KIF18A: variants seen among roughly 807,000 people sequenced by gnomAD.
The protein encoded by KIF18A is kinesin-like protein KIF18A.
Under a neutral mutation model 103.3 loss-of-function variants are expected in KIF18A, and 67 were observed. The observed-to-expected ratio is 0.65, with a 90% confidence interval of 0.53 to 0.79. KIF18A has a LOEUF of 0.79. KIF18A is among the 30% of genes least tolerant of loss of function. The pLI is 0.00. For missense variants in KIF18A, 1,032 were observed against 1,062.5 expected (o/e 0.97, Z 0.40); for synonymous variants, 367 against 355.5 (o/e 1.03, Z -0.36).
intron 15 of KIF18A, 100 bp downstream of exon 15, chr11:28,035,287 T>C (rs1850470046): frequency 2.1e-6 from 1 of 487,452 alleles, no homozygotes; most frequent in African/African-American, 2.0e-5. Flanking sequence ...TAAACATGAA[T>C]TGAGAGTCTA....
At chr11:28,053,126 G>A (rs1362395998) in intron 13 of KIF18A, among the ~76,000 whole-genome samples, 1 of 152,150 alleles carries the variant, frequency 6.6e-6, no homozygotes, top group Non-Finnish European at 1.5e-5. Flanking sequence ...GCATAGGCAT[G>A]AACCTTGTTT....
intron 15 of KIF18A, among the ~76,000 whole-genome samples, chr11:28,033,043 A>C (rs1850431211): frequency 6.6e-6 from 1 of 151,814 alleles, no homozygotes; most frequent in Non-Finnish European, 1.5e-5. Flanking sequence ...TGATTTTTAA[A>C]ATGGGCAAAA....
intron 13 of KIF18A, among the ~76,000 whole-genome samples, chr11:28,050,177 GTAT>G (rs1850694118): frequency 6.6e-6 from 1 of 151,640 alleles, no homozygotes; most frequent in Non-Finnish European, 1.5e-5. Context: ...CATTTTCTCA[GTAT>G]TTACACTTAC....
intron 15 of KIF18A, among the ~76,000 whole-genome samples, chr11:28,025,658 A>G (rs1850309034): frequency 6.6e-6 from 1 of 152,018 alleles, no homozygotes; most frequent in Non-Finnish European, 1.5e-5. Context: ...CGATTTAGTT[A>G]AATAGTCCAC....
intron 9 of KIF18A, 66 bp downstream of exon 9, chr11:28,082,790 A>C: frequency 2.1e-6 from 2 of 965,648 alleles, no homozygotes; most frequent in South Asian, 3.1e-5. Flanking sequence ...GATAATTAAC[A>C]TAAAATACTT....
intron 15 of KIF18A, among the ~76,000 whole-genome samples, chr11:28,026,544 C>T (rs954679220): frequency 4.6e-5 from 7 of 151,746 alleles, no homozygotes; most frequent in Admixed American, 1.3e-4. Flanking sequence ...AATCAAGTTA[C>T]TTTCTTTACA....
intron 1 of KIF18A, among the ~76,000 whole-genome samples, chr11:28,103,488 C>G (rs891154741): frequency 1.3e-5 from 2 of 151,858 alleles, no homozygotes; most frequent in African/African-American, 2.4e-5. Context: ...ATGTATAAAA[C>G]AAAAGGGTTA....
rs142963817 is a variant in KIF18A at position 28,084,079 on chromosome 11, C to A, written c.1074+553G>T. On this transcript the variant is annotated intron_variant, in intron 7 of 16. Transcript: ENST00000263181. Reference sequence around the variant, plus strand: ...TCTTTGGCAAAAATACTAATGTAACCAATTATTATTATTATATTTCTGGAG... The same window carrying A: ...TCTTTGGCAAAAATACTAATGTAACAAATTATTATTATTATATTTCTGGAG... Among the ~76,000 whole-genome samples the A allele has an allele frequency of 9.2e-5, 14 of 151,984 alleles. No homozygotes were observed. The East Asian group carries it at 2.7e-3, about 29-fold the overall frequency.
chr11:28,065,963 A>T (rs1850916229), intron 11 of KIF18A, among the ~76,000 whole-genome samples: 1 of 152,058 alleles, frequency 6.6e-6, no homozygotes, highest in South Asian at 2.1e-4. Flanking sequence ...GGTAAATTTT[A>T]TTTTATATTT....
intron 1 of KIF18A, among the ~76,000 whole-genome samples, chr11:28,106,103 C>A (rs893380266): frequency 6.6e-6 from 1 of 152,134 alleles, no homozygotes; most frequent in Non-Finnish European, 1.5e-5. Context: ...TTCACTGATA[C>A]GTTCATCAAA....
chr11:28,072,997 T>C (rs1365013434), intron 10 of KIF18A, among the ~76,000 whole-genome samples: 1 of 152,144 alleles, frequency 6.6e-6, no homozygotes, highest in Non-Finnish European at 1.5e-5. Flanking sequence ...CTCCCTTGCT[T>C]GAAAGACTGC....
intron 13 of KIF18A, among the ~76,000 whole-genome samples, chr11:28,038,787 T>G (rs1850524708): frequency 6.6e-6 from 1 of 151,726 alleles, no homozygotes; most frequent in Non-Finnish European, 1.5e-5. Context: ...GAGAACTAGA[T>G]AAATGAGATC....
rs765014249 is a variant in KIF18A at position 28,059,004 on chromosome 11, G to A, written c.1870C>T (p.Pro624Ser). 4 of 1,614,014 alleles carry A rather than the reference G, an allele frequency of 2.5e-6. No homozygotes were observed. The highest frequency in any genetic ancestry group is 3.4e-6 in the Non-Finnish European group (4 of 1,179,954). Residue 624 changes from proline to serine, a missense_variant, in exon 13 of 17, where the codon CCA becomes TCA. Coordinates refer to ENST00000263181, the MANE Select transcript of KIF18A (RefSeq NM_031217.4). ...ATCCCTGGTAGATCGTTTTGCTTTG[G>A]TTGTTCGGCAGTTTGGTCAGCCCAA... ...VVWADQTAEQPKQNDLPGISV... is the reference protein window; with the variant it reads ...VVWADQTAEQSKQNDLPGISV...
chr11:28,051,611 C>T (rs1850713704), intron 13 of KIF18A, among the ~76,000 whole-genome samples: 1 of 151,906 alleles, frequency 6.6e-6, no homozygotes, highest in African/African-American at 2.4e-5. Context: ...AGCTATTTTA[C>T]TACATAAATG....
intron 9 of KIF18A, among the ~76,000 whole-genome samples, chr11:28,077,841 A>C (rs1243752897): frequency 6.6e-6 from 1 of 152,132 alleles, no homozygotes; most frequent in Non-Finnish European, 1.5e-5. Flanking sequence ...CTTCCTCCTA[A>C]GGGCAATGTA....
At chr11:28,035,677 TAA>T (rs1259879879) in intron 14 of KIF18A, among the ~76,000 whole-genome samples, 183 bp from the exon 15 acceptor site, 1 of 151,544 alleles carries the variant, frequency 6.6e-6, no homozygotes, top group Non-Finnish European at 1.5e-5. Context: ...ATAACACAGG[TAA>T]AGTTGCTATC....
intron 6 of KIF18A, among the ~76,000 whole-genome samples, chr11:28,087,118 T>C (rs1238887709): frequency 2.0e-5 from 3 of 152,230 alleles, no homozygotes; most frequent in Non-Finnish European, 4.4e-5. Flanking sequence ...GGGATACATG[T>C]GCAGAACGTG....
At chr11:28,045,380 C>G (rs1850618283) in intron 13 of KIF18A, among the ~76,000 whole-genome samples, 2 of 148,922 alleles carry the variant, frequency 1.3e-5, no homozygotes, top group South Asian at 4.2e-4. Flanking sequence ...GAAACGTTTC[C>G]AGTAAAAAGC....
intron 6 of KIF18A, 48 bp downstream of exon 6, chr11:28,088,476 C>G: frequency 1.4e-6 from 2 of 1,432,062 alleles, no homozygotes; most frequent in Non-Finnish European, 1.9e-6. Context: ...TCTTTCTTAT[C>G]TATTTCAATA....
Sources: allele counts gnomAD v4.1 joint callset (sites outside exome capture counted in the v4.1 genomes callset), GRCh38; gene constraint gnomAD v4.1.1; transcripts MANE v1.5; gene names NCBI Gene and HGNC (gene_info 2026-07-23, HGNC 2026-07-21).